RBFOX1: variants seen among roughly 807,000 people sequenced by gnomAD.
RBFOX1 encodes the protein RNA binding fox-1 homolog 1.
In RBFOX1, 8 loss-of-function variants were observed where a neutral mutation model predicts 57.7. The observed-to-expected ratio is 0.14, with a 90% CI of 0.08 to 0.25. RBFOX1 has a LOEUF of 0.25. Among genes scored for constraint, RBFOX1 ranks in the 10% least tolerant of loss-of-function variants. The pLI, the probability that RBFOX1 is intolerant of heterozygous loss-of-function variation, is 1.00. For synonymous variants in RBFOX1, 326 were observed against 222.4 expected (o/e 1.47, Z -4.15); for missense variants, 611 against 548.5 (o/e 1.11, Z -1.14).
chr16:7,136,448 C>G (rs1310706782), intron 4 of RBFOX1, among the ~76,000 whole-genome samples: 2 of 131,484 alleles, frequency 1.5e-5, no homozygotes, highest in Admixed American at 8.4e-5. Context: ...GTTCTGTTAT[C>G]CAGGCTGGAG....
intron 1 of RBFOX1, among the ~76,000 whole-genome samples, chr16:5,426,555 C>T (rs2067566189): frequency 6.6e-6 from 1 of 152,188 alleles, no homozygotes; most frequent in African/African-American, 2.4e-5. Context: ...TGCAAAAACA[C>T]TTTCCCTCTT....
chr16:7,096,021 AAAAAAAAAG>A (rs2061635480), intron 4 of RBFOX1, among the ~76,000 whole-genome samples: 1 of 151,418 alleles, frequency 6.6e-6, no homozygotes, highest in African/African-American at 2.4e-5. Flanking sequence ...TCAAAAAAAA[AAAAAAAAAG>A]AAAAGAAAAG....
At position 5,647,426 on chromosome 16, in the gene RBFOX1, C is replaced by A. The variant is rs187731286; in HGVS notation, c.318+48465C>A. Among the ~76,000 whole-genome samples, 46 of 152,290 alleles carry A rather than the reference C, an allele frequency of 3.0e-4. No individual in the cohort carries two copies. The East Asian group carries it at 7.7e-3, about 26-fold the overall frequency. On this transcript the variant is annotated intron_variant, in intron 3 of 19. Transcript: ENST00000641259. ...ACTGTGAAATAGGATCCTTTGGTTT[C>A]ATGTTTCATGTTTTTGGCAACATGT...
intron 1 of RBFOX1, among the ~76,000 whole-genome samples, chr16:5,323,805 A>C (rs1054949372): frequency 8.5e-5 from 13 of 152,290 alleles, no homozygotes; most frequent in African/African-American, 3.1e-4. Context: ...TCTGCCCATC[A>C]CCAGGGTTCT....
chr16:6,264,900 C>T (rs1401067482), intron 1 of RBFOX1, among the ~76,000 whole-genome samples: 2 of 152,158 alleles, frequency 1.3e-5, no homozygotes, highest in African/African-American at 2.4e-5. Flanking sequence ...AGTAAATGTG[C>T]AGTGAGCATT....
chr16:7,015,114 G>C (rs1189842986), intron 3 of RBFOX1, among the ~76,000 whole-genome samples: 1 of 152,214 alleles, frequency 6.6e-6, no homozygotes, highest in Non-Finnish European at 1.5e-5. Flanking sequence ...GTCTGAGACA[G>C]AGTTAAGGGT....
intron 3 of RBFOX1, among the ~76,000 whole-genome samples, chr16:6,771,163 G>A (rs536863714): frequency 3.9e-4 from 60 of 152,250 alleles, no homozygotes; most frequent in African/African-American, 1.3e-3. Flanking sequence ...GGGGAAGATG[G>A]TCGTCTGCAA....
chr16:6,695,892 T>C (rs1249547796), intron 3 of RBFOX1, among the ~76,000 whole-genome samples: 1 of 152,172 alleles, frequency 6.6e-6, no homozygotes, highest in Non-Finnish European at 1.5e-5. Context: ...CGTGAATCTA[T>C]GGGAGGAAAT....
chr16:7,386,433 T>G (rs999394023), intron 4 of RBFOX1, among the ~76,000 whole-genome samples: 1 of 140,138 alleles, frequency 7.1e-6, no homozygotes, highest in African/African-American at 2.6e-5. Context: ...CCTGTGTCCA[T>G]GTATTCTCAT....
chr16:6,942,007 T>C (rs1357967525), intron 3 of RBFOX1, among the ~76,000 whole-genome samples: 2 of 152,258 alleles, frequency 1.3e-5, no homozygotes, highest in South Asian at 2.1e-4. Flanking sequence ...GGTGGGCAGA[T>C]AATTTGAAAT....
At chr16:6,230,983 A>G (rs895901787) in intron 1 of RBFOX1, among the ~76,000 whole-genome samples, 1 of 152,348 alleles carries the variant, frequency 6.6e-6, no homozygotes, top group Non-Finnish European at 1.5e-5. Context: ...TGGGAGGAGA[A>G]ATAGTGAACC....
At chr16:6,804,114 C>G (rs377483087) in intron 3 of RBFOX1, among the ~76,000 whole-genome samples, 4 of 151,920 alleles carry the variant, frequency 2.6e-5, no homozygotes, top group Non-Finnish European at 5.9e-5. Context: ...TCAAGTGATT[C>G]TCCTTGCCTC....
At chr16:6,479,574 C>G (rs111989062) in intron 2 of RBFOX1, among the ~76,000 whole-genome samples, 2 of 151,740 alleles carry the variant, frequency 1.3e-5, no homozygotes, top group Admixed American at 6.6e-5. Flanking sequence ...GGTGATAGAA[C>G]GAGATGCTGT....
chr16:6,871,712 C>T (rs1170610714), intron 3 of RBFOX1, among the ~76,000 whole-genome samples: 1 of 152,068 alleles, frequency 6.6e-6, no homozygotes, highest in Non-Finnish European at 1.5e-5. Flanking sequence ...CTCCATATAC[C>T]AGAAAGAGTG....
At chr16:6,478,433 T>TAA (rs2095318253) in intron 2 of RBFOX1, among the ~76,000 whole-genome samples, 1 of 63,820 alleles carries the variant, frequency 1.6e-5, no homozygotes, top group African/African-American at 9.6e-5. Flanking sequence ...ATATATATTT[T>TAA]TTTTTTTTTT....
chr16:6,573,627 GAAA>G (rs886566657), intron 2 of RBFOX1: 1 of 152,226 alleles, frequency 6.6e-6, no homozygotes. Context: ...AAAAACTCTG[GAAA>G]ATAAGGCTTA....
intron 1 of RBFOX1, among the ~76,000 whole-genome samples, chr16:5,338,646 T>G (rs1280868094): frequency 1.3e-5 from 2 of 152,192 alleles, no homozygotes; most frequent in Non-Finnish European, 2.9e-5. Flanking sequence ...AAGTTTTACT[T>G]TAAAGTTTTT....
rs533621331 is a variant in RBFOX1 at position 7,659,555 on chromosome 16, G to A, written c.891-5374G>A. On this transcript the variant is annotated intron_variant, in intron 12 of 15. Coordinates refer to ENST00000550418, the MANE Select transcript of RBFOX1 (RefSeq NM_018723.4). ...AGAATTGACTTGGACCACACATAAA[G>A]TACACATACACTAACTACAGCTGAT... Among the ~76,000 whole-genome samples, 3 of 152,004 alleles carry A rather than the reference G, an allele frequency of 2.0e-5. No individual in the cohort carries two copies. The South Asian group carries it at 6.3e-4, about 32-fold the overall frequency.
chr16:6,562,872 CTTTCTTTCTTTTTTT>C, intron 2 of RBFOX1, among the ~76,000 whole-genome samples: 1 of 49,250 alleles, frequency 2.0e-5, no homozygotes, highest in African/African-American at 1.6e-4. Flanking sequence ...TTCTTTCTTT[CTTTCTTTCTTTTTTT>C]TTTTTTTTTT....
Sources: gnomAD v4.1 joint callset for allele counts (sites outside exome capture counted in the v4.1 genomes callset) on GRCh38, gnomAD v4.1.1 for gene constraint, MANE v1.5 for transcripts, NCBI Gene and HGNC (gene_info 2026-07-23, HGNC 2026-07-21) for gene names.